The following MFAP1 variants were observed in gnomAD, a reference collection of about 807,000 sequenced individuals.
MFAP1 encodes microfibrillar-associated protein 1.
In MFAP1, 18 loss-of-function variants were observed where a neutral mutation model predicts 62.2. The observed-to-expected ratio is 0.29, with a 90% confidence interval of 0.20 to 0.43. MFAP1 has a LOEUF of 0.43. Among genes scored for constraint, MFAP1 ranks in the 20% least tolerant of loss-of-function variants. MFAP1 has a pLI of 1.00. For missense variants in MFAP1, 355 were observed against 559.7 expected, an observed-to-expected ratio of 0.63 and a Z score of 3.69; for synonymous variants, 175 against 180.4, an observed-to-expected ratio of 0.97 and a Z score of 0.24.
intron 3 of MFAP1, 35 bp from the exon 4 acceptor site, chr15:43,814,723 T>C (rs2087423664): frequency 2.5e-6 from 4 of 1,596,574 alleles, no homozygotes; most frequent in African/African-American, 1.3e-5. Context: ...GTCAGTCAAA[T>C]GGCCTATGGC....
In MFAP1 at chr15:43,822,128, G is replaced by C. The variant is rs372163289; in HGVS notation, c.79+2363C>G. On this transcript the variant is annotated intron_variant, in intron 1 of 8. Coordinates refer to ENST00000267812, the MANE Select transcript of MFAP1 (RefSeq NM_005926.3). Reference sequence around the variant, plus strand: ...ACAAGATGCCCAGCATCGGCCGGACGCAGTAGCTCTATGGTGAGCCGAGAT... The same window carrying C: ...ACAAGATGCCCAGCATCGGCCGGACCCAGTAGCTCTATGGTGAGCCGAGAT... 2.2e-3 allele frequency among the ~76,000 whole-genome samples: 326 copies of C among 150,022 alleles called. 2 individuals carry two copies. The highest frequency in any genetic ancestry group is 7.5e-3 in the African/African-American group (305 of 40,652).
chr15:43,816,939 T>C (rs2087437437), intron 2 of MFAP1, among the ~76,000 whole-genome samples: 1 of 152,174 alleles, frequency 6.6e-6, no homozygotes, highest in African/African-American at 2.4e-5. Flanking sequence ...TGGTCTGTGT[T>C]TTCTATTCCC....
intron 7 of MFAP1, among the ~76,000 whole-genome samples, chr15:43,808,102 T>C (rs983648357): frequency 2.6e-5 from 4 of 152,372 alleles, no homozygotes; most frequent in Middle Eastern, 3.4e-3. Flanking sequence ...ACTGCACCAC[T>C]GCACTCTAGC....
chr15:43,810,033 T>A (rs1199975290), intron 6 of MFAP1, 119 bp from the exon 7 acceptor site: 1 of 1,211,076 alleles, frequency 8.3e-7, no homozygotes, highest in African/African-American at 1.5e-5. Context: ...TTCTAGTCAT[T>A]GCCTATTAGG....
intron 6 of MFAP1, 64 bp downstream of exon 6, chr15:43,812,923 G>A: frequency 6.3e-7 from 1 of 1,575,408 alleles, no homozygotes; most frequent in African/African-American, 1.3e-5. Flanking sequence ...ATGAGTCTCA[G>A]AGCTATCCTG....
intron 7 of MFAP1, among the ~76,000 whole-genome samples, chr15:43,807,827 C>G (rs2087375628): frequency 6.6e-6 from 1 of 152,148 alleles, no homozygotes; most frequent in Non-Finnish European, 1.5e-5. Flanking sequence ...AGTATATGCA[C>G]TAAAGCTTAC....
At chr15:43,811,515 T>C (rs1487094881) in intron 6 of MFAP1, among the ~76,000 whole-genome samples, 1 of 150,282 alleles carries the variant, frequency 6.7e-6, no homozygotes, top group Non-Finnish European at 1.5e-5. Flanking sequence ...TTTTTCTTTT[T>C]TTTTTTTTTC....
Position 43,809,805 on chromosome 15 carries a change from C to T in MFAP1, c.997G>A (p.Gly333Ser). The change falls in exon 7 of 9, where the codon GGC (glycine) becomes AGC (serine). Residue 333 changes from glycine (G) to serine (S), a missense_variant. By Grantham distance (56) the Gly-to-Ser change is moderately conservative. Around this residue, in one of 6 missense-constraint regions of MFAP1, gnomAD observed 24 missense variants for 57.0 expected, o/e 0.42. Coordinates refer to ENST00000267812, the MANE Select transcript of MFAP1 (RefSeq NM_005926.3). ...GKVITNKAVKGKYKFLQKYYH... is the reference protein window; with the variant it reads ...GKVITNKAVKSKYKFLQKYYH... ...TACTTCTGTAAGAACTTGTATTTGC[C>T]CTTAACAGCTTTGTTGGTAATGACT... is the stretch of plus-strand genomic sequence containing the variant. 6.2e-7 allele frequency: 1 copy of T among 1,614,044 alleles called. No homozygotes were observed. The highest frequency in any genetic ancestry group is 8.5e-7 in the Non-Finnish European group (1 of 1,180,018).
At chr15:43,819,156 G>A (rs990789191) in intron 1 of MFAP1, among the ~76,000 whole-genome samples, 8 of 152,164 alleles carry the variant, frequency 5.3e-5, no homozygotes, top group African/African-American at 1.9e-4. Flanking sequence ...TCGTGCTACT[G>A]CACTCCAGCC....
intron 1 of MFAP1, among the ~76,000 whole-genome samples, chr15:43,823,756 A>C (rs564338742): frequency 6.6e-6 from 1 of 152,300 alleles, no homozygotes; most frequent in East Asian, 1.9e-4. Context: ...ATTTTATACA[A>C]TGGAATTCAT....
chr15:43,809,337 CAA>C (rs1170635608), intron 7 of MFAP1, among the ~76,000 whole-genome samples: 17 of 109,540 alleles, frequency 1.6e-4, no homozygotes, highest in Admixed American at 2.8e-4. Context: ...AAAAAATAAC[CAA>C]AAAAAAAAAA....
chr15:43,815,723 C>A (rs941003933), intron 2 of MFAP1, among the ~76,000 whole-genome samples: 1 of 151,900 alleles, frequency 6.6e-6, no homozygotes, highest in African/African-American at 2.4e-5. Flanking sequence ...ACCTCCACCT[C>A]CCAGGTTCAA....
In MFAP1 at chr15:43,817,302, G is replaced by T. The variant is rs1020600423; in HGVS notation, c.226C>A (p.Gln76Lys). ...GGGTCACTGGATGAATCCTCCTCCT[G>T]TTCCTCAGGCTCTGCTTCTTGTTCT... The part of the protein sequence containing the change: ...AKEQEAEPEE[Q>K]EEDSSSDPRL... Residue 76 changes from glutamine (Q) to lysine (K), a missense_variant, in exon 2 of 9, where the codon CAG becomes AAG. Physicochemically the swap from Gln to Lys is moderately conservative, Grantham distance 53. Transcript: ENST00000267812. The T allele has an allele frequency of 3.7e-6, 6 of 1,614,066 alleles. No homozygotes were observed. Among genetic ancestry groups the T allele is most frequent in the Non-Finnish European group, 5.1e-6 (6 of 1,180,030 alleles).
In MFAP1 at chr15:43,805,260, C is replaced by T. The variant is rs567201442; in HGVS notation, c.1154G>A (p.Arg385His). The change falls in exon 9 of 9, where the codon CGC (arginine) becomes CAC (histidine). Residue 385 changes from arginine (R) to histidine (H), a missense_variant. Around this residue, in one of 6 missense-constraint regions of MFAP1, gnomAD observed 44 missense variants for 80.8 expected, o/e 0.54. Coordinates refer to ENST00000267812, the MANE Select transcript of MFAP1 (RefSeq NM_005926.3). Reference protein sequence around the residue: ...PKVMQVKNFGRSGRTKYTHLV... With the variant: ...PKVMQVKNFGHSGRTKYTHLV... ...GTGAGTGTATTTGGTGCGACCTGAG[C>T]GTCCAAAGTTCTTGACCTGAGGGAA... The T allele has an allele frequency of 1.3e-6, 2 of 1,595,706 alleles. No individual in the cohort carries two copies. Among genetic ancestry groups the T allele is most frequent in the African/African-American group, 1.3e-5 (1 of 74,586 alleles).
At chr15:43,810,235 A>C in intron 6 of MFAP1, 1 of 233,246 alleles carries the variant, frequency 4.3e-6, no homozygotes, top group Admixed American at 5.2e-5. Context: ...AAAAAAAAAA[A>C]TCAGTGAATT....
At position 43,804,923 on chromosome 15, in the gene MFAP1, G is replaced by A. The variant is rs566088894; in HGVS notation, c.*171C>T. On this transcript the variant is annotated 3_prime_UTR_variant, in exon 9 of 9. Transcript: ENST00000267812. ...CTTTCCTGTGGGTTTCTCAGCATGAGTCCAAACCTCACAAAGCACCTTCAA... is the reference window on the plus strand; with the variant it reads ...CTTTCCTGTGGGTTTCTCAGCATGAATCCAAACCTCACAAAGCACCTTCAA... The A allele has an allele frequency of 1.5e-5, 10 of 669,662 alleles. No individual in the cohort carries two copies. The highest frequency in any genetic ancestry group is 2.9e-5 in the Admixed American group (1 of 34,580). The allele number at this position is 669,662 out of a possible 1,614,324, so 41.5% of individuals were successfully genotyped here.
chr15:43,815,174 T>A, intron 2 of MFAP1, 100 bp from the exon 3 acceptor site: 1 of 1,484,786 alleles, frequency 6.7e-7, no homozygotes, highest in South Asian at 1.2e-5. Flanking sequence ...TTGCCTTCAT[T>A]AATACTGAAG....
intron 1 of MFAP1, among the ~76,000 whole-genome samples, chr15:43,818,847 C>T (rs916534695): frequency 6.6e-6 from 1 of 152,102 alleles, no homozygotes; most frequent in Non-Finnish European, 1.5e-5. Context: ...ATGACCACAC[C>T]AAGGCACTCA....
chr15:43,805,137 T>C lies in MFAP1; in HGVS notation c.1277A>G (p.Asp426Gly). ...FFKQKAAGVRDVFERPSAKKR... is the reference protein window; with the variant it reads ...FFKQKAAGVRGVFERPSAKKR... ...CTTGGCAGATGGCCGCTCAAATACATCTCGTACCCCAGCTGCCTTTTGTTT... is the reference window on the plus strand; with the variant it reads ...CTTGGCAGATGGCCGCTCAAATACACCTCGTACCCCAGCTGCCTTTTGTTT... The change falls in exon 9 of 9, where the codon GAT becomes GGT. Residue 426 changes from aspartate (D) to glycine (G), a missense_variant. Asp to Gly is a moderately conservative substitution (Grantham distance 94). Coordinates refer to ENST00000267812, the MANE Select transcript of MFAP1 (RefSeq NM_005926.3). 1 of 1,599,280 alleles carries C rather than the reference T, an allele frequency of 6.3e-7. No individual in the cohort carries two copies. Among genetic ancestry groups the C allele is most frequent in the Non-Finnish European group, 8.6e-7 (1 of 1,167,616 alleles).
Sources: gnomAD v4.1 joint callset for allele counts (sites outside exome capture counted in the v4.1 genomes callset) on GRCh38, gnomAD v4.1.1 for gene constraint, gnomAD v4.1.1 regional missense constraint, MANE v1.5 for transcripts, NCBI Gene and HGNC (gene_info 2026-07-23, HGNC 2026-07-21) for gene names.